COMMD1: variants seen among roughly 807,000 people sequenced by gnomAD.
The protein encoded by COMMD1 is COMM domain-containing protein 1.
COMMD1 carries 10 observed loss-of-function variants against 17.2 expected under a neutral mutation model. The observed-to-expected ratio is 0.58, with a 90% CI of 0.36 to 0.99. The LOEUF is 0.99. Ranked by LOEUF, COMMD1 falls within the 50% of genes least tolerant of loss-of-function variation. The pLI is 0.01. For missense variants in COMMD1, 270 were observed against 231.8 expected (o/e 1.17, Z -1.07); for synonymous variants, 97 against 91.6 (o/e 1.06, Z -0.34).
intron 2 of COMMD1, among the ~76,000 whole-genome samples, chr2:62,033,926 A>G (rs1669973876): frequency 6.6e-6 from 1 of 151,900 alleles, no homozygotes. Context: ...CCTGGCCAAC[A>G]TAGGGAGACC....
chr2:62,074,296 C>T (rs373735258), intron 2 of COMMD1, among the ~76,000 whole-genome samples: 47 of 152,312 alleles, frequency 3.1e-4, no homozygotes, highest in South Asian at 1.7e-3. Context: ...TCCTCTGTCC[C>T]GAGGTTGGGC....
At chr2:61,966,224 A>G (rs986573457) in intron 1 of COMMD1, among the ~76,000 whole-genome samples, 7 of 152,046 alleles carry the variant, frequency 4.6e-5, no homozygotes, top group Non-Finnish European at 1.0e-4. Context: ...TTACTGTTAA[A>G]CTGCCTGCCC....
In COMMD1 at chr2:61,973,247, C is replaced by G. The variant is rs1671700336; in HGVS notation, c.181-27454C>G. ...TACAGGAACTCCTAGTCCCTAGGTA[C>G]AAGGGTTCCTGTAAGGTTTTTACGT... On this transcript the variant is annotated intron_variant, in intron 1 of 2. Transcript: ENST00000311832. Among the ~76,000 whole-genome samples the G allele has an allele frequency of 4.6e-5, 7 of 152,128 alleles. No individual in the cohort carries two copies. The South Asian group carries it at 1.5e-3, about 32-fold the overall frequency.
intron 1 of COMMD1, among the ~76,000 whole-genome samples, chr2:61,969,688 A>G (rs1028790673): frequency 3.3e-5 from 5 of 152,122 alleles, no homozygotes; most frequent in Non-Finnish European, 7.3e-5. Context: ...GTTCCAGTTC[A>G]CTTACTTGAT....
chr2:62,051,492 A>G (rs1445712788), intron 2 of COMMD1, among the ~76,000 whole-genome samples: 1 of 152,226 alleles, frequency 6.6e-6, no homozygotes, highest in African/African-American at 2.4e-5. Context: ...GTGACTGATG[A>G]CAAACTTTCT....
intron 1 of COMMD1, among the ~76,000 whole-genome samples, chr2:61,916,503 C>T (rs1325711931): frequency 6.6e-6 from 1 of 152,096 alleles, no homozygotes; most frequent in Non-Finnish European, 1.5e-5. Context: ...CTCACTGCAG[C>T]CTTGACTTCT....
intron 1 of COMMD1, among the ~76,000 whole-genome samples, chr2:61,935,409 A>G (rs981448448): frequency 3.3e-5 from 5 of 152,128 alleles, no homozygotes; most frequent in Non-Finnish European, 7.4e-5. Context: ...CGGGTGGATC[A>G]CTTGAGGTTA....
intron 2 of COMMD1, among the ~76,000 whole-genome samples, chr2:62,015,086 C>T (rs539922973): frequency 6.6e-6 from 1 of 152,152 alleles, no homozygotes; most frequent in African/African-American, 2.4e-5. Flanking sequence ...TGCATCCAAC[C>T]CATTCATGAT....
chr2:62,120,465 T>C (rs1229730008), intron 2 of COMMD1, among the ~76,000 whole-genome samples: 1 of 152,136 alleles, frequency 6.6e-6, no homozygotes. Flanking sequence ...TCAACAACAC[T>C]CTTTTTTTAA....
chr2:61,962,657 C>T (rs572399637), intron 1 of COMMD1, among the ~76,000 whole-genome samples: 37 of 152,202 alleles, frequency 2.4e-4, no homozygotes, highest in African/African-American at 8.2e-4. Flanking sequence ...GGGTGAGTTT[C>T]CCTGGTGAAC....
At chr2:62,121,958 A>G (rs1672761630) in intron 2 of COMMD1, among the ~76,000 whole-genome samples, 1 of 151,774 alleles carries the variant, frequency 6.6e-6, no homozygotes, top group African/African-American at 2.4e-5. Context: ...TGCCCAGCTA[A>G]TTTTTTGTAT....
At chr2:62,063,868 A>ATATATATATATATATATATATATATAT (rs1670947199) in intron 2 of COMMD1, among the ~76,000 whole-genome samples, 5 of 81,174 alleles carry the variant, frequency 6.2e-5, no homozygotes, top group Admixed American at 4.0e-4. Flanking sequence ...GTCTCTACAA[A>ATATATATATATATATATATATATATAT]ATATATATAT....
intron 2 of COMMD1, among the ~76,000 whole-genome samples, chr2:62,013,083 A>T (rs1669332569): frequency 6.6e-6 from 1 of 152,092 alleles, no homozygotes; most frequent in Non-Finnish European, 1.5e-5. Context: ...TTATATTCTA[A>T]TAGGATTGCC....
chr2:62,108,504 T>C (rs1222210156), intron 2 of COMMD1, among the ~76,000 whole-genome samples: 1 of 151,824 alleles, frequency 6.6e-6, no homozygotes, highest in Non-Finnish European at 1.5e-5. Context: ...TTTCTAGGGG[T>C]GGTAAATTGT....
At chr2:62,004,422 TC>T (rs1669057074) in intron 2 of COMMD1, among the ~76,000 whole-genome samples, 1 of 152,068 alleles carries the variant, frequency 6.6e-6, no homozygotes, top group Non-Finnish European at 1.5e-5. Flanking sequence ...TGCCTCAGCC[TC>T]CCCGAGTAGC....
chr2:62,104,769 A>G (rs1672282303), intron 2 of COMMD1, among the ~76,000 whole-genome samples: 1 of 152,212 alleles, frequency 6.6e-6, no homozygotes, highest in Non-Finnish European at 1.5e-5. Flanking sequence ...GCTAGGTGCT[A>G]GAGATAAAAC....
At chr2:61,912,762 A>G (rs1669942581) in intron 1 of COMMD1, among the ~76,000 whole-genome samples, 2 of 152,138 alleles carry the variant, frequency 1.3e-5, no homozygotes, top group African/African-American at 2.4e-5. Flanking sequence ...GTTTTATTGT[A>G]ACATGACTAC....
At chr2:61,915,766 G>A (rs1161098768) in intron 1 of COMMD1, 1 of 446,770 alleles carries the variant, frequency 2.2e-6, no homozygotes, top group Non-Finnish European at 4.5e-6. Flanking sequence ...CAATTGCTGG[G>A]ATTACAGGTA....
At chr2:61,995,135 A>G (rs1192002984) in intron 1 of COMMD1, among the ~76,000 whole-genome samples, 1 of 152,086 alleles carries the variant, frequency 6.6e-6, no homozygotes, top group Non-Finnish European at 1.5e-5. Context: ...AAAGAGAGAC[A>G]GGGTTTTGCT....
Sources: allele counts gnomAD v4.1 joint callset (sites outside exome capture counted in the v4.1 genomes callset), GRCh38; gene constraint gnomAD v4.1.1; transcripts MANE v1.5; gene names NCBI Gene and HGNC (gene_info 2026-07-23, HGNC 2026-07-21).